Variants in ALMS1 observed in about 807,000 individuals in gnomAD.
The protein encoded by ALMS1 is centrosome-associated protein ALMS1.
ALMS1 carries 271 observed loss-of-function variants against 352.2 expected under a neutral mutation model. The observed-to-expected ratio is 0.77, with a 90% confidence interval of 0.70 to 0.85. ALMS1 has a LOEUF of 0.85. ALMS1 is among the 40% of genes least tolerant of loss of function. The pLI is 0.00. For synonymous variants in ALMS1, 1,865 were observed against 1,761.2 expected (o/e 1.06, Z -1.48); for missense variants, 5,445 against 4,870.7 (o/e 1.12, Z -3.51).
intron 1 of ALMS1, among the ~76,000 whole-genome samples, chr2:73,391,849 TTTTC>T (rs1206721225): frequency 1.3e-5 from 2 of 152,156 alleles, no homozygotes; most frequent in African/African-American, 4.8e-5. Context: ...ACAAAGGAAT[TTTTC>T]TTTCTTGTAT....
chr2:73,600,940 G>A (rs577614709), intron 18 of ALMS1, 59 bp downstream of exon 18: 133 of 1,551,636 alleles, frequency 8.6e-5, no homozygotes, highest in Middle Eastern at 3.8e-4. Context: ...AGTCCCCTGC[G>A]ATGCTGACTC....
intron 10 of ALMS1, among the ~76,000 whole-genome samples, chr2:73,498,530 T>C (rs1475891206): frequency 2.0e-5 from 3 of 151,946 alleles, no homozygotes; most frequent in African/African-American, 7.3e-5. Context: ...TGTGTGTGTG[T>C]GCCCATTAAC....
At chr2:73,440,342 A>G (rs1671693017) in intron 7 of ALMS1, among the ~76,000 whole-genome samples, 1 of 152,014 alleles carries the variant, frequency 6.6e-6, no homozygotes, top group East Asian at 1.9e-4. Flanking sequence ...TTTAATCTGT[A>G]AGTTTATGTC....
intron 9 of ALMS1, among the ~76,000 whole-genome samples, chr2:73,482,172 G>A (rs1176233042): frequency 6.6e-6 from 1 of 152,218 alleles, no homozygotes; most frequent in Admixed American, 6.5e-5. Context: ...CAAAGGGAAT[G>A]CTTCCAGTTT....
intron 1 of ALMS1, among the ~76,000 whole-genome samples, chr2:73,400,061 C>T (rs1209067355): frequency 1.3e-5 from 2 of 151,920 alleles, no homozygotes; most frequent in Admixed American, 6.6e-5. Flanking sequence ...CTTCACCCTC[C>T]TGAGTAACTG....
chr2:73,529,256 C>G (rs914885578), intron 11 of ALMS1, among the ~76,000 whole-genome samples: 1 of 152,212 alleles, frequency 6.6e-6, no homozygotes, highest in African/African-American at 2.4e-5. Flanking sequence ...GTTGGCCAAG[C>G]TGGTCTTGAA....
At chr2:73,589,113 T>C (rs1470740541) in intron 16 of ALMS1, among the ~76,000 whole-genome samples, 1 of 152,166 alleles carries the variant, frequency 6.6e-6, no homozygotes, top group Non-Finnish European at 1.5e-5. Flanking sequence ...TTATGATTTT[T>C]TCTTTTATAT....
rs750322171 is a variant in ALMS1, at chr2:73,453,458, G to A, written c.6931G>A (p.Val2311Ile). Residue 2311 changes from valine to isoleucine, a missense_variant, in exon 8 of 23, where the codon GTA becomes ATA. Physicochemically the swap from Val to Ile is conservative, Grantham distance 29. Transcript: ENST00000613296. ...VCFKEPSSTG[V>I]SNGDLLHRQP... ...CTTCAAAGAACCCTCTTCCACGGGTGTATCTAATGGTGATTTGCTTCACAG... is the reference window on the plus strand; with the variant it reads ...CTTCAAAGAACCCTCTTCCACGGGTATATCTAATGGTGATTTGCTTCACAG... 2 of 1,613,008 alleles carry A rather than the reference G, an allele frequency of 1.2e-6. No individual in the cohort carries two copies. Among genetic ancestry groups the A allele is most frequent in the Non-Finnish European group, 1.7e-6 (2 of 1,179,372 alleles).
chr2:73,539,432 G>A (rs1413003344), intron 12 of ALMS1, among the ~76,000 whole-genome samples: 1 of 151,944 alleles, frequency 6.6e-6, no homozygotes, highest in Non-Finnish European at 1.5e-5. Flanking sequence ...GGAAAAAACA[G>A]AGCAGAAAAA....
At chr2:73,539,745 C>T (rs1161060564) in intron 12 of ALMS1, among the ~76,000 whole-genome samples, 6 of 151,958 alleles carry the variant, frequency 3.9e-5, no homozygotes, top group African/African-American at 7.3e-5. Flanking sequence ...CCTCAGTAGC[C>T]GATTTGATCA....
intron 16 of ALMS1, among the ~76,000 whole-genome samples, chr2:73,580,954 A>G (rs1048884746): frequency 2.6e-5 from 4 of 152,196 alleles, no homozygotes; most frequent in East Asian, 1.9e-4. Flanking sequence ...CACTCCTTCA[A>G]TGCTTAGCCA....
At chr2:73,387,099 G>A (rs745341601) in intron 1 of ALMS1, among the ~76,000 whole-genome samples, 1 of 152,242 alleles carries the variant, frequency 6.6e-6, no homozygotes, top group Non-Finnish European at 1.5e-5. Flanking sequence ...GGACAGAGCA[G>A]ATAATGGAAC....
At position 73,453,150 on chromosome 2, in the gene ALMS1, A is replaced by G. The variant is rs2103790866; in HGVS notation, c.6623A>G (p.Asn2208Ser). The G allele has an allele frequency of 6.2e-7, 1 of 1,614,074 alleles. No individual in the cohort carries two copies. Among genetic ancestry groups the G allele is most frequent in the Non-Finnish European group, 8.5e-7 (1 of 1,179,972 alleles). Residue 2208 changes from asparagine to serine, a missense_variant, in exon 8 of 23, where the codon AAT becomes AGT. By Grantham distance (46) the Asn-to-Ser change is conservative. Coordinates refer to ENST00000613296, the MANE Select transcript of ALMS1 (RefSeq NM_001378454.1). ...VSEHVQRLIDNLNSSDSSVSS... is the reference protein window; with the variant it reads ...VSEHVQRLIDSLNSSDSSVSS... ...GAACATGTCCAAAGGCTAATAGATA[A>G]TTTGAATTCTTCTGACTCCAGTGTT...
intron 16 of ALMS1, among the ~76,000 whole-genome samples, chr2:73,574,884 A>T (rs1675020452): frequency 2.0e-5 from 3 of 152,142 alleles, no homozygotes; most frequent in Non-Finnish European, 4.4e-5. Flanking sequence ...TTTTTAATTA[A>T]CCCAGTGGAA....
In ALMS1 at chr2:73,450,157, C is replaced by G. The variant is rs1423162992; in HGVS notation, c.3630C>G (p.His1210Gln). Residue 1210 changes from histidine (H) to glutamine (Q), a missense_variant, in exon 8 of 23, where the codon CAC becomes CAG. By Grantham distance (24) the His-to-Gln change is conservative. Transcript: ENST00000613296. ...IFYQQTLPGS[H>Q]IPEEAQKVSP... is the part of the protein sequence containing the mutation. ...ATCAACAGACCTTGCCAGGTAGTCACATACCTGAAGAGGCACAGAAAGTTT... is the reference window on the plus strand; with the variant it reads ...ATCAACAGACCTTGCCAGGTAGTCAGATACCTGAAGAGGCACAGAAAGTTT... The G allele has an allele frequency of 6.2e-7, 1 of 1,613,858 alleles. No individual in the cohort carries two copies. Among genetic ancestry groups the G allele is most frequent in the Non-Finnish European group, 8.5e-7 (1 of 1,179,912 alleles).
At chr2:73,488,348 A>G (rs1484966103) in intron 9 of ALMS1, among the ~76,000 whole-genome samples, 2 of 152,248 alleles carry the variant, frequency 1.3e-5, no homozygotes, top group African/African-American at 2.4e-5. Context: ...CTGGGTCGCA[A>G]CAGTGCCTGG....
intron 16 of ALMS1, among the ~76,000 whole-genome samples, chr2:73,586,007 G>C (rs529183094): frequency 1.3e-5 from 2 of 152,184 alleles, no homozygotes; most frequent in East Asian, 3.9e-4. Flanking sequence ...TGATCCACCT[G>C]CCTCGGCCTC....
intron 1 of ALMS1, among the ~76,000 whole-genome samples, chr2:73,390,894 C>T (rs928798486): frequency 2.0e-5 from 3 of 152,064 alleles, no homozygotes; most frequent in Admixed American, 6.5e-5. Context: ...CCTCAGCCTC[C>T]GCAGTAGCTG....
At chr2:73,553,501 C>G (rs983467757) in intron 13 of ALMS1, among the ~76,000 whole-genome samples, 1 of 151,990 alleles carries the variant, frequency 6.6e-6, no homozygotes, top group Non-Finnish European at 1.5e-5. Context: ...CTATTTGCAG[C>G]TATGAGGATG....
Sources: gnomAD v4.1 joint callset for allele counts (sites outside exome capture counted in the v4.1 genomes callset) on GRCh38, gnomAD v4.1.1 for gene constraint, MANE v1.5 for transcripts, NCBI Gene and HGNC (gene_info 2026-07-23, HGNC 2026-07-21) for gene names.